Variants in GNA14 observed in about 807,000 individuals in gnomAD.
GNA14 encodes guanine nucleotide-binding protein subunit alpha-14.
A neutral mutation model predicts 42.0 loss-of-function variants in GNA14; 50 were observed. The ratio of observed to expected loss-of-function variants is 1.19; its 90% CI spans 0.95 to 1.51. GNA14 has a LOEUF of 1.51. Ranked by LOEUF, GNA14 falls within the 40% of genes most tolerant of loss-of-function variation. The probability of loss-of-function intolerance (pLI) is 0.00; values close to 1 mark genes in which losing one functional copy is unlikely to be tolerated. For synonymous variants in GNA14, 173 were observed against 163.1 expected (o/e 1.06, Z -0.46); for missense variants, 473 against 446.2 (o/e 1.06, Z -0.54).
intron 2 of GNA14, among the ~76,000 whole-genome samples, chr9:77,518,267 A>G (rs1052905277): frequency 2.0e-5 from 3 of 152,206 alleles, no homozygotes; most frequent in African/African-American, 7.2e-5. Context: ...GTCCCTTTCT[A>G]GTATACCAAG....
intron 2 of GNA14, among the ~76,000 whole-genome samples, chr9:77,454,572 T>G (rs913019594): frequency 1.6e-5 from 2 of 122,512 alleles, no homozygotes; most frequent in African/African-American, 6.9e-5. Context: ...CAACTGGCCA[T>G]CAGGATTTTT....
chr9:77,522,565 T>C (rs755871749), intron 2 of GNA14, among the ~76,000 whole-genome samples: 6 of 152,064 alleles, frequency 3.9e-5, no homozygotes. Flanking sequence ...TATGGAAAGG[T>C]TGACAGAAAA....
chr9:77,528,996 G>T, intron 2 of GNA14, 73 bp downstream of exon 2: 1 of 1,278,260 alleles, frequency 7.8e-7, no homozygotes, highest in Non-Finnish European at 1.1e-6. Context: ...AAAGCACTGA[G>T]GGAATCTTTG....
rs150584570 is a variant in GNA14 at position 77,434,408 on chromosome 9, C to T, written c.424G>A (p.Asp142Asn). Residue 142 changes from aspartate (D) to asparagine (N), a missense_variant, in exon 3 of 7, where the codon GAC (aspartate) becomes AAC (asparagine). Transcript: ENST00000341700. Reference protein sequence around the residue: ...WQDPGIQECYDRRREYQLSDS... With the variant: ...WQDPGIQECYNRRREYQLSDS... ...GACAGCTGGTACTCCCTCCTCCTGT[C>T]GTAACACTCCTGGATGCCTGGATCT... is the stretch of plus-strand genomic sequence containing the variant. The T allele has an allele frequency of 4.3e-6, 7 of 1,614,120 alleles. No homozygotes were observed. The highest frequency in any genetic ancestry group is 4.5e-5 in the East Asian group (2 of 44,874).
At chr9:77,461,973 T>C (rs1304277701) in intron 2 of GNA14, among the ~76,000 whole-genome samples, 1 of 152,170 alleles carries the variant, frequency 6.6e-6, no homozygotes, top group Non-Finnish European at 1.5e-5. Context: ...TTTGTTGTTG[T>C]TGAGAAACCG....
intron 3 of GNA14, among the ~76,000 whole-genome samples, chr9:77,433,364 ATAT>A (rs1835588813): frequency 6.6e-6 from 1 of 151,616 alleles, no homozygotes; most frequent in African/African-American, 2.4e-5. Context: ...TTGCCCCGGG[ATAT>A]TATTATTTAT....
chr9:77,453,188 G>A (rs1289182319), intron 2 of GNA14, among the ~76,000 whole-genome samples: 2 of 152,156 alleles, frequency 1.3e-5, no homozygotes. Flanking sequence ...GAGCTTGTGT[G>A]TCCCTTCCGC....
chr9:77,428,894 C>G lies in GNA14; in HGVS notation c.723+13G>C. 1 of 1,611,998 alleles carries G rather than the reference C, an allele frequency of 6.2e-7. No homozygotes were observed. Among genetic ancestry groups the G allele is most frequent in the Non-Finnish European group, 8.5e-7 (1 of 1,178,978 alleles). ...TGGCTTCCACAGCTACCCAAACTTC[C>G]CGCCCAGCATACCTCGTTGTCACAC... is the stretch of plus-strand genomic sequence containing the variant. On this transcript the variant is annotated intron_variant, in intron 5 of 6. Transcript: ENST00000341700.
rs190710953 is a variant in GNA14, at chr9:77,512,085, T to G, written c.309+16984A>C. ...CCCACTGCCTGCTTGGCCCCCACTG[T>G]CCCCCACTGTCCCCCTCACTTTGCC... On this transcript the variant is annotated intron_variant, in intron 2 of 6. Coordinates refer to ENST00000341700, the MANE Select transcript of GNA14 (RefSeq NM_004297.4). Among the ~76,000 whole-genome samples, 219 of 150,450 alleles carry G rather than the reference T, an allele frequency of 1.5e-3. 1 individual carries two copies. Among genetic ancestry groups the G allele is most frequent in the African/African-American group, 4.9e-3 (202 of 40,960 alleles).
intron 2 of GNA14, among the ~76,000 whole-genome samples, chr9:77,449,064 T>C (rs1835867083): frequency 6.6e-6 from 1 of 152,196 alleles, no homozygotes; most frequent in African/African-American, 2.4e-5. Context: ...TAATGCAGCA[T>C]TTTTACTGTA....
At chr9:77,425,974 C>A (rs765384308) in intron 5 of GNA14, among the ~76,000 whole-genome samples, 1 of 152,160 alleles carries the variant, frequency 6.6e-6, no homozygotes, top group Non-Finnish European at 1.5e-5. Flanking sequence ...CCAAAACTCA[C>A]ATGGAACGAA....
intron 6 of GNA14, 120 bp downstream of exon 6, chr9:77,425,442 G>T: frequency 4.6e-6 from 3 of 657,694 alleles, no homozygotes; most frequent in Non-Finnish European, 7.9e-6. Flanking sequence ...GTGGGAATAG[G>T]GGGAGAGGCT....
chr9:77,616,841 G>C (rs1587849223), intron 1 of GNA14, among the ~76,000 whole-genome samples: 1 of 152,132 alleles, frequency 6.6e-6, no homozygotes, highest in African/African-American at 2.4e-5. Context: ...GTTAGATAAA[G>C]ATGTTAAATC....
chr9:77,613,299 C>A (rs578152619), intron 1 of GNA14, among the ~76,000 whole-genome samples: 1 of 152,300 alleles, frequency 6.6e-6, no homozygotes, highest in Admixed American at 6.5e-5. Flanking sequence ...AAACTTAACA[C>A]TAAATTTGTG....
At chr9:77,523,256 C>T (rs1310884338) in intron 2 of GNA14, among the ~76,000 whole-genome samples, 1 of 152,152 alleles carries the variant, frequency 6.6e-6, no homozygotes, top group Non-Finnish European at 1.5e-5. Context: ...GTTCTGGAGG[C>T]TGTACAGGAA....
At chr9:77,466,200 T>G (rs1836220299) in intron 2 of GNA14, among the ~76,000 whole-genome samples, 1 of 152,202 alleles carries the variant, frequency 6.6e-6, no homozygotes, top group Non-Finnish European at 1.5e-5. Context: ...ACAGAATATT[T>G]TTTTCTATTC....
intron 1 of GNA14, among the ~76,000 whole-genome samples, chr9:77,640,136 T>C (rs1167155107): frequency 6.6e-6 from 1 of 152,188 alleles, no homozygotes; most frequent in Non-Finnish European, 1.5e-5. Context: ...GCTCTCAAGC[T>C]TGGAAGGGGA....
chr9:77,535,614 T>C (rs1387485096), intron 1 of GNA14, among the ~76,000 whole-genome samples: 1 of 152,082 alleles, frequency 6.6e-6, no homozygotes, highest in African/African-American at 2.4e-5. Context: ...CTGAGAGAAA[T>C]TCCAAATGAC....
At chr9:77,543,548 C>A (rs773517866) in intron 1 of GNA14, among the ~76,000 whole-genome samples, 8 of 152,218 alleles carry the variant, frequency 5.3e-5, no homozygotes, top group Non-Finnish European at 1.2e-4. Flanking sequence ...ACTGCACAAT[C>A]TCTAGGTAGC....
Sources: allele counts gnomAD v4.1 joint callset (sites outside exome capture counted in the v4.1 genomes callset), GRCh38; gene constraint gnomAD v4.1.1; transcripts MANE v1.5; gene names NCBI Gene and HGNC (gene_info 2026-07-23, HGNC 2026-07-21).